Variants in PALM2AKAP2 observed in about 807,000 individuals in gnomAD.
PALM2AKAP2 encodes the protein PALM2 and AKAP2 fusion.
PALM2AKAP2 carries 37 observed loss-of-function variants against 71.5 expected under a neutral mutation model. The ratio of observed to expected loss-of-function variants is 0.52; its 90% CI spans 0.40 to 0.68. PALM2AKAP2 has a LOEUF of 0.68. Ranked by LOEUF, PALM2AKAP2 falls within the 30% of genes least tolerant of loss-of-function variation. The probability of loss-of-function intolerance (pLI) is 0.00; values close to 1 mark genes in which losing one functional copy is unlikely to be tolerated. For missense variants in PALM2AKAP2, 1,224 were observed against 1,191.8 expected (o/e 1.03, Z -0.40); for synonymous variants, 468 against 478.8 (o/e 0.98, Z 0.29).
chr9:109,690,667 A>C (rs1827868491), intron 1 of PALM2AKAP2, among the ~76,000 whole-genome samples: 1 of 152,200 alleles, frequency 6.6e-6, no homozygotes, highest in Non-Finnish European at 1.5e-5. Flanking sequence ...CCTAGGGTAC[A>C]TGGAGACCTG....
At chr9:109,782,776 GTA>G (rs60454441) in intron 1 of PALM2AKAP2, among the ~76,000 whole-genome samples, 40 of 142,846 alleles carry the variant, frequency 2.8e-4, no homozygotes, top group African/African-American at 9.6e-4. Flanking sequence ...GTGTGTGTGT[GTA>G]TGTGTGTGTG....
chr9:110,001,806 C>G (rs1832685849), intron 6 of PALM2AKAP2, among the ~76,000 whole-genome samples: 1 of 152,130 alleles, frequency 6.6e-6, no homozygotes, highest in South Asian at 2.1e-4. Context: ...CATGATTTGG[C>G]TCTCTGTTTG....
At chr9:109,771,615 G>A (rs12344809) in intron 1 of PALM2AKAP2, among the ~76,000 whole-genome samples, 34,768 of 152,126 alleles carry the variant, frequency 0.23, 4,280 homozygotes, top group Middle Eastern at 0.38. Flanking sequence ...CTACAGAAAG[G>A]TCTTCAATTC....
intron 3 of PALM2AKAP2, among the ~76,000 whole-genome samples, chr9:109,905,812 C>A (rs1468767302): frequency 2.0e-5 from 3 of 152,058 alleles, no homozygotes; most frequent in African/African-American, 7.2e-5. Context: ...AACACGTTAC[C>A]ATAAATGATC....
chr9:109,980,925 T>C (rs1208855353), intron 6 of PALM2AKAP2, among the ~76,000 whole-genome samples: 1 of 152,256 alleles, frequency 6.6e-6, no homozygotes, highest in Non-Finnish European at 1.5e-5. Context: ...AGCTCCTTGG[T>C]ACCCAGTTGC....
At chr9:109,946,081 G>A (rs2132057829) in intron 6 of PALM2AKAP2, 1 of 152,266 alleles carries the variant, frequency 6.6e-6, no homozygotes, top group Middle Eastern at 3.4e-3. Flanking sequence ...ATTTGCATAT[G>A]TCCCATCATT....
chr9:110,091,925 C>T (rs1032750513), intron 1 of PALM2AKAP2, among the ~76,000 whole-genome samples: 1 of 152,150 alleles, frequency 6.6e-6, no homozygotes, highest in African/African-American at 2.4e-5. Context: ...TTTCTATTGG[C>T]ATGTTTGAGT....
chr9:109,999,461 C>G (rs1191293294), intron 6 of PALM2AKAP2, among the ~76,000 whole-genome samples: 1 of 152,066 alleles, frequency 6.6e-6, no homozygotes, highest in Non-Finnish European at 1.5e-5. Context: ...TGGTTCCTGC[C>G]TCTCCAGTTT....
intron 3 of PALM2AKAP2, among the ~76,000 whole-genome samples, chr9:109,913,505 C>A (rs1265942911): frequency 1.3e-5 from 2 of 152,164 alleles, no homozygotes; most frequent in Non-Finnish European, 2.9e-5. Flanking sequence ...CAGCCAACCC[C>A]ATTTACAGGC....
At chr9:110,023,013 A>G (rs888389640) in intron 7 of PALM2AKAP2, among the ~76,000 whole-genome samples, 17 of 152,078 alleles carry the variant, frequency 1.1e-4, no homozygotes, top group Non-Finnish European at 2.2e-4. Flanking sequence ...AGTCTTTGCT[A>G]TTGTGAATAG....
chr9:109,950,753 A>G (rs570745795), intron 6 of PALM2AKAP2, among the ~76,000 whole-genome samples: 14 of 152,228 alleles, frequency 9.2e-5, no homozygotes, highest in African/African-American at 1.9e-4. Flanking sequence ...AACAGGCCCA[A>G]CTCCAGCCCA....
At chr9:110,113,522 C>T (rs551627394) in intron 1 of PALM2AKAP2, among the ~76,000 whole-genome samples, 89 of 140,114 alleles carry the variant, frequency 6.4e-4, no homozygotes, top group African/African-American at 2.1e-3. Flanking sequence ...AGCCACTGCA[C>T]CTGGACTTTT....
intron 1 of PALM2AKAP2, among the ~76,000 whole-genome samples, chr9:109,768,230 AG>A: frequency 6.6e-6 from 1 of 152,134 alleles, no homozygotes; most frequent in South Asian, 2.1e-4. Context: ...GAAAGAAGGA[AG>A]GAAGGATGGG....
intron 2 of PALM2AKAP2, among the ~76,000 whole-genome samples, chr9:110,146,065 A>AT (rs1305842004): frequency 6.6e-6 from 1 of 151,414 alleles, no homozygotes; most frequent in Non-Finnish European, 1.5e-5. Context: ...CGTCCAGCTA[A>AT]TTTTTTGTAT....
intron 1 of PALM2AKAP2, among the ~76,000 whole-genome samples, chr9:109,689,843 C>T (rs867813450): frequency 3.3e-5 from 5 of 152,120 alleles, no homozygotes; most frequent in South Asian, 2.1e-4. Context: ...GGCCAACTTC[C>T]GAGAGGAAGA....
intron 5 of PALM2AKAP2, among the ~76,000 whole-genome samples, chr9:109,927,287 G>A (rs1417980317): frequency 6.6e-6 from 1 of 152,208 alleles, no homozygotes; most frequent in Non-Finnish European, 1.5e-5. Flanking sequence ...GCACATCCCA[G>A]TTGAGGGACT....
exon 2 of PALM2AKAP2, chr9:110,136,706 A>G: frequency 5.0e-6 from 8 of 1,614,074 alleles, no homozygotes; most frequent in Non-Finnish European, 6.8e-6. Flanking sequence ...CAGCTCCACA[A>G]CCAGCTCACG....
chr9:109,994,066 G>A (rs749482752), intron 6 of PALM2AKAP2, among the ~76,000 whole-genome samples: 20 of 152,164 alleles, frequency 1.3e-4, no homozygotes, highest in Non-Finnish European at 2.5e-4. Context: ...GGGTAAGGAC[G>A]GGAAAGAAAT....
chr9:110,040,178 T>C (rs916304237), intron 7 of PALM2AKAP2, among the ~76,000 whole-genome samples: 1 of 152,226 alleles, frequency 6.6e-6, no homozygotes, highest in Non-Finnish European at 1.5e-5. Flanking sequence ...TTGTGGTTTC[T>C]AAAGTGATTT....
Sources: gnomAD v4.1 joint callset for allele counts (sites outside exome capture counted in the v4.1 genomes callset) on GRCh38, gnomAD v4.1.1 for gene constraint, MANE v1.5 for transcripts, NCBI Gene and HGNC (gene_info 2026-07-23, HGNC 2026-07-21) for gene names.